Variants in GUF1 observed in about 807,000 individuals in gnomAD.
GUF1 encodes GTP binding elongation factor GUF1, also known as translation factor GUF1, mitochondrial.
A neutral mutation model predicts 82.4 loss-of-function variants in GUF1; 78 were observed. That is an observed-to-expected ratio of 0.95 (90% confidence interval 0.79 to 1.14). The LOEUF is 1.14. Among genes scored for constraint, GUF1 ranks in the 50% most tolerant of loss-of-function variants. The pLI is 0.00. For missense variants in GUF1, 814 were observed against 798.2 expected, an observed-to-expected ratio of 1.02 and a Z score of -0.24; for synonymous variants, 279 against 282.3, an observed-to-expected ratio of 0.99 and a Z score of 0.12.
At position 44,699,565 on chromosome 4, in the gene GUF1, G is replaced by A. The variant is rs961881765; in HGVS notation, c.*884G>A. 1.3e-5 allele frequency: 2 copies of A among 152,038 alleles called. No homozygotes were observed. Among genetic ancestry groups the A allele is most frequent in the African/African-American group, 2.4e-5 (1 of 41,396 alleles). 9.4% of individuals were successfully genotyped at this position (152,038 alleles called of 1,614,324 possible). A position where few individuals can be genotyped will look rare whatever the true frequency, so the allele number is the denominator to read the frequency against. ...TTTGTTGCATGCAGTTTTTCTTTAC[G>A]GACACTAAAAGGCCCCATACTTAAG... On this transcript the variant is annotated 3_prime_UTR_variant, in exon 17 of 17. Transcript: ENST00000281543.
rs78099349 is a variant in GUF1 at position 44,698,626 on chromosome 4, T to C, written c.1955T>C (p.Val652Ala). 101 of 1,610,194 alleles carry C rather than the reference T, an allele frequency of 6.3e-5. No homozygotes were observed. The East Asian group carries it at 2.2e-3, about 36-fold the overall frequency. The change falls in exon 17 of 17, where the codon GTT (valine) becomes GCT (alanine). Residue 652 changes from valine (V) to alanine (A), a missense_variant. By Grantham distance (64) the Val-to-Ala change is moderately conservative. Transcript: ENST00000281543. Reference sequence around the variant, plus strand: ...AAAAAGCTGAGGAAAATTGGCAACGTTGAAGTTCCAAAAGATGCTTTTATA... The same window carrying C: ...AAAAAGCTGAGGAAAATTGGCAACGCTGAAGTTCCAAAAGATGCTTTTATA... The part of the protein sequence containing the change: ...GKKKLRKIGN[V>A]EVPKDAFIKV...
chr4:44,679,771 TAGAGTACAAAAAA>T (rs1384903815), intron 1 of GUF1, among the ~76,000 whole-genome samples: 1 of 107,932 alleles, frequency 9.3e-6, no homozygotes, highest in African/African-American at 2.7e-5. Flanking sequence ...TGGAAAAAAA[TAGAGTACAAAAAA>T]CTGGTATATT....
chr4:44,697,169 C>G (rs376141385), intron 15 of GUF1, among the ~76,000 whole-genome samples: 12 of 152,090 alleles, frequency 7.9e-5, no homozygotes, highest in African/African-American at 2.7e-4. Context: ...AAGCCTTGAC[C>G]ATTTTTTCTT....
At chr4:44,688,218 G>A in intron 9 of GUF1, 72 bp downstream of exon 9, 1 of 1,422,260 alleles carries the variant, frequency 7.0e-7, no homozygotes, top group African/African-American at 1.5e-5. Context: ...CAGTGGTTAA[G>A]GAAAAAATAC....
At chr4:44,697,215 CT>C in intron 15 of GUF1, among the ~76,000 whole-genome samples, 192 bp from the exon 16 acceptor site, 1 of 152,068 alleles carries the variant, frequency 6.6e-6, no homozygotes, top group African/African-American at 2.4e-5. Flanking sequence ...TTTATTTGTT[CT>C]TTTATACCAA....
intron 2 of GUF1, 30 bp downstream of exon 2, chr4:44,680,582 A>T (rs1429579266): frequency 1.3e-6 from 2 of 1,495,236 alleles, no homozygotes; most frequent in African/African-American, 2.8e-5. Context: ...TACTTAACTG[A>T]TGGCTGCGAG....
Position 44,697,395 on chromosome 4 carries a change from TTC to T in GUF1, c.1836-9_1836-8del, listed in dbSNP as rs748718862. 1.3e-5 allele frequency: 20 copies of T among 1,542,584 alleles called. No individual in the cohort carries two copies. The highest frequency in any genetic ancestry group is 9.3e-5 in the Admixed American group (5 of 53,774). ...TGGAATTATGTACTTAAACGAATTT[TTC>T]TCTTTTACAGTGTGAAAGCCTATAG... On this transcript the variant is annotated splice_polypyrimidine_tract_variant and intron_variant, in intron 15 of 16. Transcript: ENST00000281543.
At position 44,681,216 on chromosome 4, in the gene GUF1, C is replaced by T; in HGVS notation, c.507+13C>T. 6.3e-7 allele frequency: 1 copy of T among 1,581,180 alleles called. No homozygotes were observed. The highest frequency in any genetic ancestry group is 8.7e-7 in the Non-Finnish European group (1 of 1,150,594). ...TGATGCAAATGAGGTAGGTATTTTT[C>T]ATTTTGTATGATGTGATATGACATG... On this transcript the variant is annotated intron_variant, in intron 4 of 16. Transcript: ENST00000281543.
chr4:44,682,555 T>C (rs1350656850), intron 5 of GUF1, 144 bp downstream of exon 5: 1 of 434,698 alleles, frequency 2.3e-6, no homozygotes, highest in Non-Finnish European at 4.1e-6. Context: ...TTGAATTGTA[T>C]ATAACAGAAG....
chr4:44,683,351 A>G (rs761830413), intron 6 of GUF1, 33 bp downstream of exon 6: 1 of 1,278,952 alleles, frequency 7.8e-7, no homozygotes, highest in Non-Finnish European at 1.1e-6. Context: ...TTATACTTTG[A>G]AAAAAGTCTC....
chr4:44,689,125 TAATC>T (rs1460784706), intron 9 of GUF1, among the ~76,000 whole-genome samples, 157 bp from the exon 10 acceptor site: 2 of 151,792 alleles, frequency 1.3e-5, no homozygotes, highest in African/African-American at 2.4e-5. Context: ...TGAAACCAAA[TAATC>T]ATTCATTTTT....
Position 44,700,801 on chromosome 4 carries a change from C to T in GUF1, c.*2120C>T, listed in dbSNP as rs997908980. ...GTAGCCTGTGATATAGTCCTAGATA[C>T]ATACATTATCATCTTATGTATCTTC... On this transcript the variant is annotated 3_prime_UTR_variant, in exon 17 of 17. Transcript: ENST00000281543. 1 of 152,152 alleles carries T rather than the reference C, an allele frequency of 6.6e-6. No individual in the cohort carries two copies. Among genetic ancestry groups the T allele is most frequent in the African/African-American group, 2.4e-5 (1 of 41,432 alleles). The allele number at this position is 152,152 out of a possible 1,614,324, so 9.4% of individuals were successfully genotyped here.
In GUF1 at chr4:44,685,982, T is replaced by C. The variant is rs746075769; in HGVS notation, c.693T>C (p.Asn231=). ...AGATTTCTGCTAAACTTGGAACAAATGTTGAGAGTGTTCTTCAGGCAATTA... is the reference window on the plus strand; with the variant it reads ...AGATTTCTGCTAAACTTGGAACAAACGTTGAGAGTGTTCTTCAGGCAATTA... ...CIKISAKLGT[N]VESVLQAIIE... The change falls in exon 7 of 17, where the codon AAT becomes AAC. Residue 231 remains asparagine, a synonymous_variant. Coordinates refer to ENST00000281543, the MANE Select transcript of GUF1 (RefSeq NM_021927.3). 37 of 1,606,520 alleles carry C rather than the reference T, an allele frequency of 2.3e-5. No individual in the cohort carries two copies. The highest frequency in any genetic ancestry group is 3.2e-5 in the Non-Finnish European group (37 of 1,174,298).
chr4:44,690,996 T>C (rs1715404347), intron 12 of GUF1, 136 bp downstream of exon 12: 1 of 472,876 alleles, frequency 2.1e-6, no homozygotes, highest in Non-Finnish European at 3.7e-6. Flanking sequence ...TATCTGTCTA[T>C]ATCTATACAC....
chr4:44,686,757 G>T (rs1280173340), intron 8 of GUF1, 44 bp downstream of exon 8: 2 of 1,293,264 alleles, frequency 1.5e-6, no homozygotes, highest in South Asian at 1.2e-5. Flanking sequence ...TTTGTATGTG[G>T]TTCTATTTCT....
At position 44,689,361 on chromosome 4, in the gene GUF1, G is replaced by T. The variant is rs1361617614; in HGVS notation, c.1154G>T (p.Ser385Ile). Reference sequence around the variant, plus strand: ...GAAAAACTGACTTTAAATGATTCCAGTGTGACCGTTCATCGGGATAGTAGC... The same window carrying T: ...GAAAAACTGACTTTAAATGATTCCATTGTGACCGTTCATCGGGATAGTAGC... Reference protein sequence around the residue: ...AIEKLTLNDSSVTVHRDSSLA... With the variant: ...AIEKLTLNDSIVTVHRDSSLA... Residue 385 changes from serine (S) to isoleucine (I), a missense_variant, in exon 10 of 17, where the codon AGT (serine) becomes ATT (isoleucine). By Grantham distance (142) the Ser-to-Ile change is moderately radical. Coordinates refer to ENST00000281543, the MANE Select transcript of GUF1 (RefSeq NM_021927.3). 1.2e-6 allele frequency: 2 copies of T among 1,610,192 alleles called. No individual in the cohort carries two copies. Among genetic ancestry groups the T allele is most frequent in the Non-Finnish European group, 1.7e-6 (2 of 1,177,548 alleles).
intron 7 of GUF1, 94 bp downstream of exon 7, chr4:44,686,117 T>C: frequency 1.2e-6 from 1 of 836,092 alleles, no homozygotes; most frequent in Non-Finnish European, 2.0e-6. Flanking sequence ...GCTTGAACTG[T>C]TATTTTAGCT....
chr4:44,687,581 C>T (rs537830087), intron 8 of GUF1, among the ~76,000 whole-genome samples: 1 of 151,502 alleles, frequency 6.6e-6, no homozygotes, highest in South Asian at 2.1e-4. Context: ...ATCAAGTGTC[C>T]AGTTTGTTGA....
Position 44,697,410 on chromosome 4 carries a change from T to C in GUF1, c.1838T>C (p.Val613Ala). Residue 613 changes from valine (V) to alanine (A), a missense_variant and splice_region_variant, in exon 16 of 17, where the codon GTG (valine) becomes GCG (alanine). Coordinates refer to ENST00000281543, the MANE Select transcript of GUF1 (RefSeq NM_021927.3). Reference sequence around the variant, plus strand: ...AAACGAATTTTTCTCTTTTACAGTGTGAAAGCCTATAGGAAAAACGTTTTG... The same window carrying C: ...AAACGAATTTTTCTCTTTTACAGTGCGAAAGCCTATAGGAAAAACGTTTTG... Reference protein sequence around the residue: ...IGSKIIARETVKAYRKNVLAK... With the variant: ...IGSKIIARETAKAYRKNVLAK... 6.4e-7 allele frequency: 1 copy of C among 1,561,546 alleles called. No homozygotes were observed. Among genetic ancestry groups the C allele is most frequent in the Non-Finnish European group, 8.8e-7 (1 of 1,142,762 alleles).
Sources: allele counts gnomAD v4.1 joint callset (sites outside exome capture counted in the v4.1 genomes callset), GRCh38; gene constraint gnomAD v4.1.1; transcripts MANE v1.5; gene names NCBI Gene and HGNC (gene_info 2026-07-23, HGNC 2026-07-21).